EPCAM: variants seen among roughly 807,000 people sequenced by gnomAD.
EPCAM encodes adenocarcinoma-associated antigen.
Under a neutral mutation model 40.0 loss-of-function variants are expected in EPCAM, and 39 were observed. That is an observed-to-expected ratio of 0.98 (90% CI 0.76 to 1.27). EPCAM has a LOEUF of 1.27. EPCAM is among the 50% of genes most tolerant of loss of function. The pLI, the probability that EPCAM is intolerant of heterozygous loss-of-function variation, is 0.00. For missense variants in EPCAM, 503 were observed against 381.2 expected (o/e 1.32, Z -2.66); for synonymous variants, 168 against 132.3 (o/e 1.27, Z -1.85).
chr2:47,373,229 A>AAAAAAAAC (rs1671326547), intron 1 of EPCAM, among the ~76,000 whole-genome samples: 2 of 150,422 alleles, frequency 1.3e-5, no homozygotes, highest in Admixed American at 6.7e-5. Flanking sequence ...AAAAAAAAAA[A>AAAAAAAAC]AAAAAACAGG....
intron 7 of EPCAM, among the ~76,000 whole-genome samples, chr2:47,384,669 C>T (rs749585198): frequency 5.3e-5 from 8 of 151,878 alleles, no homozygotes; most frequent in South Asian, 2.1e-4. Flanking sequence ...CCGCCCACCT[C>T]GGCCCCACAA....
chr2:47,384,158 A>G lies in EPCAM; in HGVS notation c.859-1008A>G, dbSNP rs139753273. ...CTTCTGTTGCCCAGGCTGGAGTGCA[A>G]TGGTGCATGATCTTGGCTCACTGCA... On this transcript the variant is annotated intron_variant, in intron 7 of 8. Coordinates refer to ENST00000263735, the MANE Select transcript of EPCAM (RefSeq NM_002354.3). Among the ~76,000 whole-genome samples, 465 of 151,448 alleles carry G rather than the reference A, an allele frequency of 3.1e-3. 3 individuals carry two copies. The highest frequency in any genetic ancestry group is 0.011 in the African/African-American group (442 of 41,260).
Position 47,373,231 on chromosome 2 carries a change from A to C in EPCAM, c.77-232A>C, listed in dbSNP as rs199855976. ...AAAAAAAAAAAAAAAAAAAAAAAAA[A>C]AAAACAGGAATGCATGCAGATTAAA... On this transcript the variant is annotated intron_variant, in intron 1 of 8. Coordinates refer to ENST00000263735, the MANE Select transcript of EPCAM (RefSeq NM_002354.3). Among the ~76,000 whole-genome samples the C allele has an allele frequency of 1.9e-3, 265 of 137,274 alleles. 2 individuals are homozygous for C. The highest frequency in any genetic ancestry group is 3.3e-3 in the Admixed American group (42 of 12,894). The allele number at this position is 137,274 out of a possible 152,430, so 90.1% of individuals were successfully genotyped here.
In EPCAM at chr2:47,377,080, A is replaced by G; in HGVS notation, c.555+3A>G. 6.3e-7 allele frequency: 1 copy of G among 1,591,042 alleles called. No individual in the cohort carries two copies. Among genetic ancestry groups the G allele is most frequent in the South Asian group, 1.1e-5 (1 of 90,656 alleles). ...CAAAATTTATCACGAGTATTTTGGT[A>G]TGATTTTTTAATAAGTGAGCTTTAG... On this transcript the variant is annotated splice_donor_region_variant and intron_variant, in intron 5 of 8. Transcript: ENST00000263735.
intron 3 of EPCAM, 134 bp downstream of exon 3, chr2:47,374,182 T>C: frequency 9.6e-7 from 1 of 1,044,104 alleles, no homozygotes; most frequent in African/African-American, 1.6e-5. Flanking sequence ...AGCTTCCTTC[T>C]CATTCCAGTC....
intron 7 of EPCAM, 66 bp downstream of exon 7, chr2:47,380,035 G>T (rs1671542933): frequency 1.3e-6 from 2 of 1,550,752 alleles, no homozygotes; most frequent in Non-Finnish European, 1.7e-6. Context: ...AATAGTGGCT[G>T]GGCGCGGTGG....
chr2:47,377,009 T>C lies in EPCAM; in HGVS notation c.492-5T>C, dbSNP rs78608315. ...TTTTTAATACAGATTTTAAATTCTT[T>C]ACAGTGCACTTCAGAAGGAGATCAC... is the stretch of plus-strand genomic sequence containing the variant. On this transcript the variant is annotated splice_region_variant and splice_polypyrimidine_tract_variant and intron_variant, in intron 4 of 8. Transcript: ENST00000263735. 47,858 of 1,592,016 alleles carry C rather than the reference T, an allele frequency of 0.03. 908 individuals carry two copies. Among genetic ancestry groups the C allele is most frequent in the Non-Finnish European group, 0.035 (40,616 of 1,159,790 alleles).
chr2:47,375,036 G>A (rs1314221729), intron 3 of EPCAM, among the ~76,000 whole-genome samples, 198 bp from the exon 4 acceptor site: 1 of 152,292 alleles, frequency 6.6e-6, no homozygotes, highest in East Asian at 1.9e-4. Flanking sequence ...AGAACAGAGG[G>A]TCAATATTAG....
intron 1 of EPCAM, among the ~76,000 whole-genome samples, chr2:47,372,443 G>T (rs1163340397): frequency 2.6e-5 from 4 of 151,830 alleles, no homozygotes; most frequent in Non-Finnish European, 5.9e-5. Context: ...TCCTAGACCA[G>T]CCTGACCAAC....
intron 7 of EPCAM, among the ~76,000 whole-genome samples, chr2:47,381,123 A>G (rs1165546391): frequency 7.6e-6 from 1 of 132,434 alleles, no homozygotes; most frequent in Admixed American, 7.9e-5. Context: ...AAGGCCAGGC[A>G]CAGTGGCTCA....
In EPCAM at chr2:47,386,566, T is replaced by C. The variant is rs747578954; in HGVS notation, c.904-6T>C. 2.1e-5 allele frequency: 33 copies of C among 1,598,808 alleles called. No homozygotes were observed. Among genetic ancestry groups the C allele is most frequent in the Non-Finnish European group, 2.7e-5 (32 of 1,169,416 alleles). On this transcript the variant is annotated splice_polypyrimidine_tract_variant and splice_region_variant and intron_variant, in intron 8 of 8. Coordinates refer to ENST00000263735, the MANE Select transcript of EPCAM (RefSeq NM_002354.3). ...GAATTTTTTTCTGTGCTTTTTCCTGTTTCAGATAAAGGAGATGGGTGAGAT... is the reference window on the plus strand; with the variant it reads ...GAATTTTTTTCTGTGCTTTTTCCTGCTTCAGATAAAGGAGATGGGTGAGAT...
intron 5 of EPCAM, among the ~76,000 whole-genome samples, chr2:47,378,388 G>A (rs1573398697): frequency 7.7e-6 from 1 of 130,044 alleles, no homozygotes; most frequent in Non-Finnish European, 1.6e-5. Context: ...CACGACTTTT[G>A]CCTCCCAGGT....
intron 8 of EPCAM, among the ~76,000 whole-genome samples, chr2:47,385,602 T>C (rs1441044991): frequency 3.9e-5 from 6 of 152,200 alleles, no homozygotes; most frequent in African/African-American, 1.2e-4. Flanking sequence ...TCATAATCTA[T>C]TGTGTACTAA....
intron 4 of EPCAM, among the ~76,000 whole-genome samples, 166 bp downstream of exon 4, chr2:47,375,465 A>G (rs1671397230): frequency 6.6e-6 from 1 of 152,168 alleles, no homozygotes; most frequent in Non-Finnish European, 1.5e-5. Context: ...AATACACTTC[A>G]CTCAGATTCA....
chr2:47,382,392 T>C (rs1671617377), intron 7 of EPCAM, among the ~76,000 whole-genome samples: 1 of 152,164 alleles, frequency 6.6e-6, no homozygotes, highest in Non-Finnish European at 1.5e-5. Flanking sequence ...GCATTGCTTG[T>C]AAAGGTGAAT....
intron 1 of EPCAM, among the ~76,000 whole-genome samples, chr2:47,372,386 C>G (rs979487351): frequency 1.3e-5 from 2 of 151,858 alleles, no homozygotes; most frequent in East Asian, 1.9e-4. Flanking sequence ...GTCTGTAATC[C>G]CAGCACTTTA....
Position 47,379,808 on chromosome 2 carries a change from C to G in EPCAM, c.697C>G (p.Leu233Val), listed in dbSNP as rs1671533365. The G allele has an allele frequency of 6.2e-7, 1 of 1,613,722 alleles. No homozygotes were observed. Among genetic ancestry groups the G allele is most frequent in the Non-Finnish European group, 8.5e-7 (1 of 1,179,890 alleles). The stretch of plus-strand genomic sequence containing the variant: ...CTTGTTTCATTCTAAGAAAATGGAC[C>G]TGACAGTAAATGGGGAACAACTGGA... ...ESLFHSKKMD[L>V]TVNGEQLDLD... Residue 233 changes from leucine (L) to valine (V), a missense_variant, in exon 7 of 9, where the codon CTG becomes GTG. By Grantham distance (32) the Leu-to-Val change is conservative. Coordinates refer to ENST00000263735, the MANE Select transcript of EPCAM (RefSeq NM_002354.3).
At chr2:47,385,085 C>A in intron 7 of EPCAM, 81 bp from the exon 8 acceptor site, 4 of 1,012,728 alleles carry the variant, frequency 3.9e-6, no homozygotes, top group Non-Finnish European at 6.3e-6. Context: ...AAATTATGTC[C>A]ATTAAAAGCA....
chr2:47,369,832 A>T, intron 1 of EPCAM: 1 of 631,982 alleles, frequency 1.6e-6, no homozygotes, highest in Non-Finnish European at 3.0e-6. Flanking sequence ...CCTTGGGCGG[A>T]GGCGGGGGAC....
Sources: allele counts gnomAD v4.1 joint callset (sites outside exome capture counted in the v4.1 genomes callset), GRCh38; gene constraint gnomAD v4.1.1; transcripts MANE v1.5; gene names NCBI Gene and HGNC (gene_info 2026-07-23, HGNC 2026-07-21).